The following SNX29 variants were observed in gnomAD, a reference collection of about 807,000 sequenced individuals.
The protein encoded by SNX29 is sorting nexin-29.
SNX29 carries 78 observed loss-of-function variants against 102.1 expected under a neutral mutation model. The ratio of observed to expected loss-of-function variants is 0.76; its 90% CI spans 0.64 to 0.92. SNX29 has a LOEUF of 0.92. Among genes scored for constraint, SNX29 ranks in the 40% least tolerant of loss-of-function variants. The pLI, the probability that SNX29 is intolerant of heterozygous loss-of-function variation, is 0.00. For synonymous variants in SNX29, 580 were observed against 414.5 expected, an observed-to-expected ratio of 1.40 and a Z score of -4.85; for missense variants, 1,280 against 1,061.7, an observed-to-expected ratio of 1.21 and a Z score of -2.86.
chr16:12,514,495 A>G (rs2089774530), intron 19 of SNX29, among the ~76,000 whole-genome samples: 6 of 151,306 alleles, frequency 4.0e-5, no homozygotes, highest in Admixed American at 4.0e-4. Context: ...TCTTGTTTCT[A>G]CCCCCCAACT....
chr16:12,002,887 T>A (rs2056337312), intron 2 of SNX29, 104 bp from the exon 3 acceptor site: 1 of 1,283,406 alleles, frequency 7.8e-7, no homozygotes, highest in Non-Finnish European at 1.1e-6. Flanking sequence ...GAGCTTCTGG[T>A]CCCGTGTCCC....
chr16:12,268,485 A>G (rs2078999753), intron 14 of SNX29, among the ~76,000 whole-genome samples: 1 of 152,164 alleles, frequency 6.6e-6, no homozygotes, highest in Non-Finnish European at 1.5e-5. Flanking sequence ...GCACTTGAAG[A>G]TGGTGGATGT....
At chr16:12,223,516 G>C (rs968214954) in intron 14 of SNX29, among the ~76,000 whole-genome samples, 1 of 152,148 alleles carries the variant, frequency 6.6e-6, no homozygotes. Context: ...ACAAAAATTA[G>C]CAGGGCGTGG....
chr16:12,136,045 C>T (rs554625178), intron 13 of SNX29, among the ~76,000 whole-genome samples: 1 of 152,366 alleles, frequency 6.6e-6, no homozygotes, highest in South Asian at 2.1e-4. Context: ...CAGAGTGCCG[C>T]TGCAGACTTC....
chr16:12,431,434 CTT>C (rs200189537), intron 18 of SNX29, among the ~76,000 whole-genome samples: 5 of 136,936 alleles, frequency 3.7e-5, no homozygotes, highest in Admixed American at 7.3e-5. Context: ...TCTTCTTCTT[CTT>C]TTTTTTTTTT....
rs372776186 is a variant in SNX29, at chr16:12,436,462, C to T, written c.2037+32933C>T. Among the ~76,000 whole-genome samples, 12 of 152,364 alleles carry T rather than the reference C, an allele frequency of 7.9e-5. No individual in the cohort carries two copies. In the South Asian group the frequency reaches 1.0e-3, roughly 13 times the overall value. ...GGCGCGCGAGCACCTGGCTGCTTTC[C>T]TCCCTGCCAGATGCCATTTCAGGAA... is the stretch of plus-strand genomic sequence containing the variant. On this transcript the variant is annotated intron_variant, in intron 18 of 20. Transcript: ENST00000566228.
At chr16:12,154,571 T>C (rs1373712904) in intron 13 of SNX29, among the ~76,000 whole-genome samples, 4 of 152,194 alleles carry the variant, frequency 2.6e-5, no homozygotes, top group African/African-American at 9.7e-5. Context: ...CTCTTCATCC[T>C]CAGGCCTGAA....
At chr16:12,503,638 G>A (rs75685369) in intron 19 of SNX29, among the ~76,000 whole-genome samples, 5 of 152,140 alleles carry the variant, frequency 3.3e-5, no homozygotes, top group African/African-American at 1.2e-4. Context: ...CTCCAGGGCT[G>A]GAGCGATCCC....
chr16:12,362,405 C>T (rs1230531042), intron 16 of SNX29, among the ~76,000 whole-genome samples: 5 of 152,202 alleles, frequency 3.3e-5, no homozygotes, highest in Admixed American at 1.3e-4. Context: ...CAGCCTCCTC[C>T]ACCTGCTGCA....
intron 18 of SNX29, among the ~76,000 whole-genome samples, chr16:12,409,908 A>G (rs1169670113): frequency 6.6e-6 from 1 of 152,212 alleles, no homozygotes; most frequent in Non-Finnish European, 1.5e-5. Flanking sequence ...GCTGTTGTAC[A>G]ATATTTCATT....
intron 11 of SNX29, among the ~76,000 whole-genome samples, chr16:12,097,324 C>G (rs559431783): frequency 6.6e-6 from 1 of 152,354 alleles, no homozygotes; most frequent in South Asian, 2.1e-4. Context: ...CACAGCTAGG[C>G]TCTTACTCCG....
intron 18 of SNX29, among the ~76,000 whole-genome samples, chr16:12,412,932 G>A (rs905160047): frequency 2.6e-5 from 4 of 152,166 alleles, no homozygotes; most frequent in African/African-American, 9.7e-5. Context: ...TGTGTCTCAG[G>A]GCTACCTGGC....
chr16:12,545,797 A>G (rs2077571121), intron 20 of SNX29, among the ~76,000 whole-genome samples: 1 of 152,074 alleles, frequency 6.6e-6, no homozygotes, highest in African/African-American at 2.4e-5. Flanking sequence ...CACTAGGCAT[A>G]CAGGGGCCTC....
rs13333662 is a variant in SNX29 at position 12,124,873 on chromosome 16, G to A, written c.1403-1760G>A. 1.5e-4 allele frequency among the ~76,000 whole-genome samples: 23 copies of A among 152,152 alleles called. No individual in the cohort carries two copies. The South Asian group carries it at 4.8e-3, about 32-fold the overall frequency. The stretch of plus-strand genomic sequence containing the variant: ...GATGGATGGTTGTTTGCCTTTCAGC[G>A]GTAGGAGAGGGGACCCCGCAGCATG... On this transcript the variant is annotated intron_variant, in intron 11 of 20. Coordinates refer to ENST00000566228, the MANE Select transcript of SNX29 (RefSeq NM_032167.5).
intron 8 of SNX29, among the ~76,000 whole-genome samples, chr16:12,059,052 A>T (rs901243408): frequency 1.3e-5 from 2 of 152,006 alleles, no homozygotes; most frequent in Non-Finnish European, 2.9e-5. Flanking sequence ...TATAAATGTG[A>T]GCCACTGGCC....
chr16:12,461,955 CAAAAAAA>C (rs1157975063), intron 18 of SNX29, among the ~76,000 whole-genome samples: 8 of 25,494 alleles, frequency 3.1e-4, no homozygotes, highest in Admixed American at 1.8e-3. Context: ...GACTCTGTCT[CAAAAAAA>C]AAAAAAAAAA....
Position 12,524,855 on chromosome 16 carries a change from C to A in SNX29, c.2318+14C>A. On this transcript the variant is annotated intron_variant, in intron 20 of 20. Coordinates refer to ENST00000566228, the MANE Select transcript of SNX29 (RefSeq NM_032167.5). Reference sequence around the variant, plus strand: ...GCCCTTCTTCGTGTAAGTACTGCTCCCACGGACATGGGCCGCCAGCCCTGC... The same window carrying A: ...GCCCTTCTTCGTGTAAGTACTGCTCACACGGACATGGGCCGCCAGCCCTGC... The A allele has an allele frequency of 6.2e-7, 1 of 1,607,254 alleles. No homozygotes were observed. Among genetic ancestry groups the A allele is most frequent in the Non-Finnish European group, 8.5e-7 (1 of 1,175,966 alleles).
chr16:12,542,107 A>T (rs1462277841), intron 20 of SNX29, among the ~76,000 whole-genome samples: 1 of 152,028 alleles, frequency 6.6e-6, no homozygotes, highest in African/African-American at 2.4e-5. Flanking sequence ...TTCCCAACGG[A>T]TCCCTAAATT....
At chr16:12,030,839 G>C (rs193252523) in intron 4 of SNX29, among the ~76,000 whole-genome samples, 3 of 152,208 alleles carry the variant, frequency 2.0e-5, no homozygotes, top group Non-Finnish European at 4.4e-5. Flanking sequence ...TGTATGCCAG[G>C]GCTGACAGGC....
Sources: allele counts gnomAD v4.1 joint callset (sites outside exome capture counted in the v4.1 genomes callset), GRCh38; gene constraint gnomAD v4.1.1; transcripts MANE v1.5; gene names NCBI Gene and HGNC (gene_info 2026-07-23, HGNC 2026-07-21).